The following EHD3 variants were observed in gnomAD, a reference collection of about 807,000 sequenced individuals.
EHD3 encodes EH domain containing 3.
A neutral mutation model predicts 43.0 loss-of-function variants in EHD3; 17 were observed. The ratio of observed to expected loss-of-function variants is 0.40; its 90% confidence interval spans 0.27 to 0.59. The LOEUF is 0.59. Among genes scored for constraint, EHD3 ranks in the 20% least tolerant of loss-of-function variants. EHD3 has a pLI of 0.49. For missense variants in EHD3, 594 were observed against 705.6 expected, an observed-to-expected ratio of 0.84 and a Z score of 1.79; for synonymous variants, 313 against 289.5, an observed-to-expected ratio of 1.08 and a Z score of -0.82.
chr2:31,260,956 G>A lies in EHD3; in HGVS notation c.915+34G>A. The A allele has an allele frequency of 6.4e-7, 1 of 1,558,964 alleles. No individual in the cohort carries two copies. The highest frequency in any genetic ancestry group is 8.7e-7 in the Non-Finnish European group (1 of 1,155,442). On this transcript the variant is annotated intron_variant, in intron 4 of 5. Coordinates refer to ENST00000322054, the MANE Select transcript of EHD3 (RefSeq NM_014600.3). The surrounding 1 kb of genome is among the most constrained non-coding windows in gnomAD (Gnocchi z 4.6). ...GCCCCCTGGGAGGTGGGCAGCTTGG[G>A]CAGGGGCCCAGAGTTTGGGGTCAGC...
rs1203568345 is a variant in EHD3 at position 31,234,585 on chromosome 2, C to T, written c.-37C>T. ...CATCTTCCCCTGAGGAGGAGTCTTC[C>T]CCTGGGGCTGCGTGCCGGGGGCGAG... is the stretch of plus-strand genomic sequence containing the variant. On this transcript the variant is annotated 5_prime_UTR_variant, in exon 1 of 6. Coordinates refer to ENST00000322054, the MANE Select transcript of EHD3 (RefSeq NM_014600.3). 1.1e-5 allele frequency: 17 copies of T among 1,608,944 alleles called. No individual in the cohort carries two copies. The highest frequency in any genetic ancestry group is 1.4e-5 in the Non-Finnish European group (16 of 1,177,700).
chr2:31,248,197 C>A (rs769788236), intron 2 of EHD3, among the ~76,000 whole-genome samples: 4 of 152,168 alleles, frequency 2.6e-5, no homozygotes, highest in Non-Finnish European at 5.9e-5. Context: ...ATTTCACACC[C>A]CTTGTCTGCT....
At position 31,245,511 on chromosome 2, in the gene EHD3, C is replaced by T. The variant is rs531669632; in HGVS notation, c.404+1061C>T. Among the ~76,000 whole-genome samples, 167 of 141,162 alleles carry T rather than the reference C, an allele frequency of 1.2e-3. 2 individuals are homozygous for T. Among genetic ancestry groups the T allele is most frequent in the South Asian group, 2.0e-3 (9 of 4,400 alleles). The allele number at this position is 141,162 out of a possible 152,430, so 92.6% of individuals were successfully genotyped here. A position where few individuals can be genotyped will look rare whatever the true frequency, so the allele number is the denominator to read the frequency against. Reference sequence around the variant, plus strand: ...TGAGGCTCATTGCCCAAAGGATTCTCGATGTCTCTTATCCCAAATATATAT... The same window carrying T: ...TGAGGCTCATTGCCCAAAGGATTCTTGATGTCTCTTATCCCAAATATATAT... On this transcript the variant is annotated intron_variant, in intron 2 of 5. Transcript: ENST00000322054.
At chr2:31,261,821 CCAG>C in intron 5 of EHD3, 108 bp downstream of exon 5, 1 of 1,351,706 alleles carries the variant, frequency 7.4e-7, no homozygotes. Flanking sequence ...AGAACCCCGC[CCAG>C]AATCTGCAGG....
chr2:31,249,834 A>G (rs1683600203), intron 3 of EHD3, among the ~76,000 whole-genome samples: 1 of 152,212 alleles, frequency 6.6e-6, no homozygotes, highest in Admixed American at 6.5e-5. Flanking sequence ...TCTGCAGGGC[A>G]GCCAAATGCA....
At chr2:31,259,177 C>G (rs974995904) in intron 3 of EHD3, among the ~76,000 whole-genome samples, 1 of 152,148 alleles carries the variant, frequency 6.6e-6, no homozygotes, top group African/African-American at 2.4e-5. Context: ...AGGGCTCCTA[C>G]CTTGGTGCCA....
chr2:31,256,675 T>A (rs1350279228), intron 3 of EHD3, among the ~76,000 whole-genome samples: 7 of 152,204 alleles, frequency 4.6e-5, no homozygotes, highest in Non-Finnish European at 7.3e-5. Flanking sequence ...CATGGACATA[T>A]TGCTGCCCCT....
chr2:31,249,690 G>A (rs1683597352), intron 3 of EHD3, among the ~76,000 whole-genome samples: 1 of 152,158 alleles, frequency 6.6e-6, no homozygotes, highest in African/African-American at 2.4e-5. Context: ...GGAGATAGCT[G>A]GCCTCAGTCT....
rs553432639 is a variant in EHD3, at chr2:31,265,673, C to T, written c.1081-504C>T. The stretch of plus-strand genomic sequence containing the variant: ...CTAAGTGGGGATAGAATGTGATTTT[C>T]CTACCTCAGAAGGGCGCTGGGGGAG... On this transcript the variant is annotated intron_variant, in intron 5 of 5. Coordinates refer to ENST00000322054, the MANE Select transcript of EHD3 (RefSeq NM_014600.3). Among the ~76,000 whole-genome samples, 14 of 152,196 alleles carry T rather than the reference C, an allele frequency of 9.2e-5. No individual in the cohort carries two copies. The South Asian group carries it at 2.9e-3, about 32-fold the overall frequency.
chr2:31,245,553 A>ATATATATTT (rs1446415610), intron 2 of EHD3, among the ~76,000 whole-genome samples: 3 of 35,052 alleles, frequency 8.6e-5, no homozygotes, highest in African/African-American at 2.7e-4. Flanking sequence ...ATATATATAT[A>ATATATATTT]TTTTTTTTTT....
intron 3 of EHD3, among the ~76,000 whole-genome samples, chr2:31,253,482 C>T (rs1276256825): frequency 6.6e-6 from 1 of 152,202 alleles, no homozygotes. Context: ...ACTCAGCCCA[C>T]CTTCTGCTCA....
At chr2:31,253,680 C>A (rs1437093390) in intron 3 of EHD3, among the ~76,000 whole-genome samples, 1 of 152,200 alleles carries the variant, frequency 6.6e-6, no homozygotes, top group African/African-American at 2.4e-5. Flanking sequence ...ACTAGGGCGG[C>A]AAAGGGTCGT....
At position 31,260,930 on chromosome 2, in the gene EHD3, A is replaced by G. The variant is rs1265389647; in HGVS notation, c.915+8A>G. The G allele has an allele frequency of 6.3e-7, 1 of 1,592,756 alleles. No homozygotes were observed. The highest frequency in any genetic ancestry group is 1.2e-5 in the South Asian group (1 of 86,724). ...AGGGCCAGGCTGGCCAAGGTGAGGC[A>G]GCCCCCTGGGAGGTGGGCAGCTTGG... On this transcript the variant is annotated splice_region_variant and intron_variant, in intron 4 of 5. Transcript: ENST00000322054. This position sits in a 1 kb window ranked among gnomAD's most constrained non-coding sequence, Gnocchi z 4.6.
At chr2:31,240,321 G>A (rs1683399411) in intron 1 of EHD3, among the ~76,000 whole-genome samples, 1 of 152,174 alleles carries the variant, frequency 6.6e-6, no homozygotes, top group African/African-American at 2.4e-5. Flanking sequence ...ACACTGCTGT[G>A]GGAATGTTTT....
intron 3 of EHD3, among the ~76,000 whole-genome samples, chr2:31,256,565 G>T (rs1245111880): frequency 1.3e-5 from 2 of 152,216 alleles, no homozygotes; most frequent in Non-Finnish European, 2.9e-5. Context: ...CACCGAGGAT[G>T]ATTTCAGTGA....
At chr2:31,258,180 G>T (rs1683788885) in intron 3 of EHD3, among the ~76,000 whole-genome samples, 1 of 152,184 alleles carries the variant, frequency 6.6e-6, no homozygotes. Flanking sequence ...AGCTGAAAAT[G>T]GAGTAGTACT....
At chr2:31,251,350 A>G (rs985275887) in intron 3 of EHD3, among the ~76,000 whole-genome samples, 1 of 152,218 alleles carries the variant, frequency 6.6e-6, no homozygotes, top group African/African-American at 2.4e-5. Flanking sequence ...CCAGGTCAGC[A>G]GCCTGCTCAA....
intron 3 of EHD3, among the ~76,000 whole-genome samples, chr2:31,258,489 C>A (rs1192661430): frequency 6.6e-6 from 1 of 152,174 alleles, no homozygotes; most frequent in African/African-American, 2.4e-5. Context: ...TCTGAAATGA[C>A]AGCCTTTGAA....
At position 31,262,971 on chromosome 2, in the gene EHD3, C is replaced by T. The variant is rs545170958; in HGVS notation, c.1080+1258C>T. On this transcript the variant is annotated intron_variant, in intron 5 of 5. Coordinates refer to ENST00000322054, the MANE Select transcript of EHD3 (RefSeq NM_014600.3). ...TCAAAAAATAGCAGCCACAGAAGCA[C>T]TTAATAGATGCTGTTGCTCTTGTTT... 3.3e-5 allele frequency among the ~76,000 whole-genome samples: 5 copies of T among 152,318 alleles called. 1 individual carries two copies. In the South Asian group the frequency reaches 1.0e-3, roughly 32 times the overall value.
Sources: allele counts gnomAD v4.1 joint callset (sites outside exome capture counted in the v4.1 genomes callset), GRCh38; gene constraint gnomAD v4.1.1; non-coding constraint Gnocchi (gnomAD v3.1); transcripts MANE v1.5; gene names NCBI Gene and HGNC (gene_info 2026-07-23, HGNC 2026-07-21).